The following SV2B variants were observed in gnomAD, a reference collection of about 807,000 sequenced individuals.
SV2B encodes solute carrier family 22 member B2.
A neutral mutation model predicts 73.9 loss-of-function variants in SV2B; 41 were observed. The ratio of observed to expected loss-of-function variants is 0.56; its 90% CI spans 0.43 to 0.72. SV2B has a LOEUF of 0.72. Among genes scored for constraint, SV2B ranks in the 30% least tolerant of loss-of-function variants. The pLI, the probability that SV2B is intolerant of heterozygous loss-of-function variation, is 0.00. For synonymous variants in SV2B, 314 were observed against 314.2 expected (o/e 1.00, Z 0.01); for missense variants, 764 against 857.8 (o/e 0.89, Z 1.37).
At position 91,122,141 on chromosome 15, in the gene SV2B, A is replaced by G. The variant is rs1208340830; in HGVS notation, c.-392+21778A>G. On this transcript the variant is annotated intron_variant, in intron 1 of 12. Transcript: ENST00000394232. The surrounding 1 kb of genome is among the most constrained non-coding windows in gnomAD (Gnocchi z 4.3). ...GTCTGACGCCAAAGACTGAACTCCC[A>G]ATATGTGCTAAACCATCTCCTCTTT... is the stretch of plus-strand genomic sequence containing the variant. 6.6e-6 allele frequency among the ~76,000 whole-genome samples: 1 copy of G among 152,206 alleles called. No individual in the cohort carries two copies. The highest frequency in any genetic ancestry group is 1.5e-5 in the Non-Finnish European group (1 of 68,042).
chr15:91,170,413 G>A (rs559123062), intron 1 of SV2B, among the ~76,000 whole-genome samples: 30 of 152,140 alleles, frequency 2.0e-4, no homozygotes, highest in African/African-American at 6.0e-4. Context: ...TCAGCCTCCC[G>A]AGTAGCTGGA....
intron 1 of SV2B, among the ~76,000 whole-genome samples, chr15:91,168,327 A>AGAGAGAGAGG: frequency 6.6e-6 from 1 of 151,840 alleles, no homozygotes; most frequent in Non-Finnish European, 1.5e-5. Flanking sequence ...AGAGAGAGAG[A>AGAGAGAGAGG]GAGAAAAGAA....
chr15:91,183,964 G>A lies in SV2B; in HGVS notation c.-391-41909G>A, dbSNP rs1301109456. 2.3e-5 allele frequency among the ~76,000 whole-genome samples: 3 copies of A among 131,278 alleles called. No homozygotes were observed. The East Asian group carries it at 1.2e-3, about 52-fold the overall frequency. The allele number at this position is 131,278 out of a possible 152,430, so 86.1% of individuals were successfully genotyped here. A position where few individuals can be genotyped will look rare whatever the true frequency, so the allele number is the denominator to read the frequency against. ...TTGACACCCCAAATAATCGCCTGGG[G>A]ACAAAAAAAACTGCAGTATCATCAG... On this transcript the variant is annotated intron_variant, in intron 1 of 12. Transcript: ENST00000394232.
intron 1 of SV2B, among the ~76,000 whole-genome samples, chr15:91,104,994 G>A (rs1180996713): frequency 6.6e-6 from 1 of 152,182 alleles, no homozygotes; most frequent in African/African-American, 2.4e-5. Flanking sequence ...CTGCTCGAAT[G>A]GGCAGAGCCT....
intron 1 of SV2B, among the ~76,000 whole-genome samples, chr15:91,158,702 TCCTCTCCTCTCCTCTCCTCTCC>T (rs2043593398): frequency 2.7e-4 from 16 of 59,564 alleles, no homozygotes; most frequent in African/African-American, 7.9e-4. Context: ...TTCTCTTCTC[TCCTCTCCTCTCCTCTCCTCTCC>T]TCTCTTCTCC....
In SV2B at chr15:91,296,239, G is replaced by A. The variant is rs1339335505; in HGVS notation, c.*3687G>A. 1 of 152,250 alleles carries A rather than the reference G, an allele frequency of 6.6e-6. No homozygotes were observed. The highest frequency in any genetic ancestry group is 1.5e-5 in the Non-Finnish European group (1 of 68,060). 9.4% of individuals were successfully genotyped at this position (152,250 alleles called of 1,614,324 possible). A position where few individuals can be genotyped will look rare whatever the true frequency, so the allele number is the denominator to read the frequency against. ...AAGAATCCCCGTAGCCCTGGGAAAG[G>A]TGTCTCCACTTCCACATCTGGCTTT... On this transcript the variant is annotated 3_prime_UTR_variant, in exon 13 of 13. Transcript: ENST00000394232.
At chr15:91,249,057 C>T (rs2047369962) in intron 2 of SV2B, among the ~76,000 whole-genome samples, 2 of 126,224 alleles carry the variant, frequency 1.6e-5, no homozygotes, top group African/African-American at 3.0e-5. Context: ...TGCATCCATA[C>T]ATCTACGTTT....
At chr15:91,166,633 A>C (rs1357274406) in intron 1 of SV2B, among the ~76,000 whole-genome samples, 1 of 151,852 alleles carries the variant, frequency 6.6e-6, no homozygotes, top group Non-Finnish European at 1.5e-5. Flanking sequence ...AATCTGTATG[A>C]CTTTTTTTCT....
At chr15:91,160,793 T>A (rs113289270) in intron 1 of SV2B, among the ~76,000 whole-genome samples, 363 of 152,232 alleles carry the variant, frequency 2.4e-3, no homozygotes, top group Non-Finnish European at 3.7e-3. Flanking sequence ...TAAATAGTGA[T>A]GAAAGGATTG....
chr15:91,265,993 A>G lies in SV2B; in HGVS notation c.1009-589A>G, dbSNP rs909996684. Among the ~76,000 whole-genome samples the G allele has an allele frequency of 1.8e-4, 28 of 152,108 alleles. No individual in the cohort carries two copies. Among genetic ancestry groups the G allele is most frequent in the African/African-American group, 4.6e-4 (19 of 41,408 alleles). ...CTGTCTCTATTAAAAAATACAAAAA[A>G]TTAGCTGGGTGTGGTGGTGCAGGCA... On this transcript the variant is annotated intron_variant, in intron 6 of 12. Coordinates refer to ENST00000394232, the MANE Select transcript of SV2B (RefSeq NM_001323032.3). This position sits in a 1 kb window ranked among gnomAD's most constrained non-coding sequence, Gnocchi z 4.2.
At position 91,260,346 on chromosome 15, in the gene SV2B, G is replaced by T. The variant is rs2047863460; in HGVS notation, c.945G>T (p.Met315Ile). 1.2e-6 allele frequency: 2 copies of T among 1,612,788 alleles called. No individual in the cohort carries two copies. The highest frequency in any genetic ancestry group is 1.7e-6 in the Non-Finnish European group (2 of 1,179,684). Residue 315 changes from methionine (M) to isoleucine (I), a missense_variant, in exon 6 of 13, where the codon ATG (methionine) becomes ATT (isoleucine). Transcript: ENST00000394232. ...LEMGKHDEAW[M>I]ILKQVHDTNM... is the part of the protein sequence containing the mutation. Reference sequence around the variant, plus strand: ...TGGGCAAACATGATGAAGCCTGGATGATTCTCAAGCAAGTCCATGACACCA... The same window carrying T: ...TGGGCAAACATGATGAAGCCTGGATTATTCTCAAGCAAGTCCATGACACCA...
At chr15:91,189,041 G>A (rs537814398) in intron 1 of SV2B, among the ~76,000 whole-genome samples, 1 of 151,948 alleles carries the variant, frequency 6.6e-6, no homozygotes, top group African/African-American at 2.4e-5. Context: ...GGTCAGGCGG[G>A]TCTCAAAATC....
At chr15:91,205,992 C>T (rs957173028) in intron 1 of SV2B, among the ~76,000 whole-genome samples, 4 of 152,062 alleles carry the variant, frequency 2.6e-5, no homozygotes, top group African/African-American at 9.7e-5. Context: ...TATCTTTTTA[C>T]ACCAGAAACA....
chr15:91,143,932 C>T (rs1398073189), intron 1 of SV2B, among the ~76,000 whole-genome samples: 1 of 152,086 alleles, frequency 6.6e-6, no homozygotes, highest in African/African-American at 2.4e-5. Flanking sequence ...AGTCTGTCTT[C>T]TATTATGGGA....
At chr15:91,256,676 G>A (rs2047704390) in intron 4 of SV2B, among the ~76,000 whole-genome samples, 2 of 152,166 alleles carry the variant, frequency 1.3e-5, no homozygotes, top group Non-Finnish European at 1.5e-5. Context: ...ACCAAGCTGT[G>A]CAAAAAGAGA....
Position 91,130,552 on chromosome 15 carries a change from T to G in SV2B, c.-392+30189T>G, listed in dbSNP as rs2042610607. ...TGCATTTGGGGAGGAAGGAGAAGAGTCAGGAGAAAGCTGGTGTCAGAGATT... is the reference window on the plus strand; with the variant it reads ...TGCATTTGGGGAGGAAGGAGAAGAGGCAGGAGAAAGCTGGTGTCAGAGATT... On this transcript the variant is annotated intron_variant, in intron 1 of 12. Transcript: ENST00000394232. This position sits in a 1 kb window ranked among gnomAD's most constrained non-coding sequence, Gnocchi z 5.6. Among the ~76,000 whole-genome samples, 2 of 149,658 alleles carry G rather than the reference T, an allele frequency of 1.3e-5. No individual in the cohort carries two copies. The highest frequency in any genetic ancestry group is 2.1e-4 in the South Asian group (1 of 4,694).
intron 1 of SV2B, among the ~76,000 whole-genome samples, chr15:91,134,951 T>C (rs1459192434): frequency 6.6e-6 from 1 of 152,144 alleles, no homozygotes. Flanking sequence ...CATTTCCTTT[T>C]CTGCTCAGAT....
chr15:91,157,147 G>T (rs533582734), intron 1 of SV2B, among the ~76,000 whole-genome samples: 1 of 152,138 alleles, frequency 6.6e-6, no homozygotes, highest in African/African-American at 2.4e-5. Context: ...ATTTGGGAAG[G>T]ATTTTTACCT....
intron 1 of SV2B, among the ~76,000 whole-genome samples, chr15:91,173,642 C>G (rs1039361373): frequency 6.6e-6 from 1 of 152,196 alleles, no homozygotes; most frequent in Non-Finnish European, 1.5e-5. Flanking sequence ...TCATGACTTT[C>G]CTAAGTGGTT....
Sources: allele counts gnomAD v4.1 joint callset (sites outside exome capture counted in the v4.1 genomes callset), GRCh38; gene constraint gnomAD v4.1.1; non-coding constraint Gnocchi (gnomAD v3.1); transcripts MANE v1.5; gene names NCBI Gene and HGNC (gene_info 2026-07-23, HGNC 2026-07-21).